Variants in HELZ observed in about 807,000 individuals in gnomAD.
HELZ encodes helicase with zinc finger.
HELZ carries 23 observed loss-of-function variants against 218.2 expected under a neutral mutation model. The observed-to-expected ratio is 0.11, with a 90% CI of 0.08 to 0.15. The LOEUF (loss-of-function observed/expected upper bound fraction) is 0.15. Ranked by LOEUF, HELZ falls within the 10% of genes least tolerant of loss-of-function variation. The probability of loss-of-function intolerance (pLI) is 1.00; values close to 1 mark genes in which losing one functional copy is unlikely to be tolerated. For missense variants in HELZ, 1,813 were observed against 2,353.7 expected (o/e 0.77, Z 4.75); for synonymous variants, 814 against 829.4 (o/e 0.98, Z 0.32).
chr17:67,083,889 C>T (rs999451109), intron 32 of HELZ, among the ~76,000 whole-genome samples: 18 of 152,154 alleles, frequency 1.2e-4, no homozygotes, highest in South Asian at 4.1e-4. Flanking sequence ...AGTGTCAAAA[C>T]GGGAAATTCA....
chr17:67,196,587 T>C (rs2040035933), intron 7 of HELZ, among the ~76,000 whole-genome samples: 2 of 142,454 alleles, frequency 1.4e-5, no homozygotes, highest in Admixed American at 1.4e-4. Flanking sequence ...GATGGATGGA[T>C]GGATGGATGG....
intron 27 of HELZ, among the ~76,000 whole-genome samples, chr17:67,117,628 C>T (rs2037467741): frequency 6.6e-6 from 1 of 150,782 alleles, no homozygotes; most frequent in African/African-American, 2.4e-5. Flanking sequence ...CGGCTCACTG[C>T]AACCTCTGCC....
chr17:67,125,343 T>TATATATACATACAC (rs1555605956), intron 24 of HELZ, among the ~76,000 whole-genome samples: 1 of 61,398 alleles, frequency 1.6e-5, no homozygotes, highest in Non-Finnish European at 3.1e-5. Context: ...TATATATATA[T>TATATATACATACAC]ATACTTGTGA....
At chr17:67,174,131 G>A (rs183380825) in intron 13 of HELZ, among the ~76,000 whole-genome samples, 3 of 148,370 alleles carry the variant, frequency 2.0e-5, no homozygotes, top group East Asian at 2.0e-4. Context: ...TCTTTATCAC[G>A]TACACACATC....
At chr17:67,125,620 T>A (rs2037770520) in intron 24 of HELZ, among the ~76,000 whole-genome samples, 1 of 152,048 alleles carries the variant, frequency 6.6e-6, no homozygotes, top group South Asian at 2.1e-4. Flanking sequence ...CTGCTTAGCA[T>A]GTGGAGGAAA....
At chr17:67,084,240 T>TA (rs1419337516) in intron 32 of HELZ, among the ~76,000 whole-genome samples, 3 of 152,100 alleles carry the variant, frequency 2.0e-5, no homozygotes, top group Non-Finnish European at 4.4e-5. Context: ...ATGAAGAAAA[T>TA]AATGACTTTA....
intron 31 of HELZ, among the ~76,000 whole-genome samples, chr17:67,104,438 CAA>C (rs139016691): frequency 8.3e-6 from 1 of 120,336 alleles, no homozygotes. Flanking sequence ...GACGCCATTT[CAA>C]AAAAAAAAAC....
At chr17:67,212,976 A>G (rs1291207923) in intron 5 of HELZ, among the ~76,000 whole-genome samples, 3 of 152,242 alleles carry the variant, frequency 2.0e-5, no homozygotes, top group Non-Finnish European at 2.9e-5. Context: ...GGTTAAACTT[A>G]TATTTTAGTG....
chr17:67,170,590 G>A (rs1334069905), intron 13 of HELZ, among the ~76,000 whole-genome samples: 2 of 152,030 alleles, frequency 1.3e-5, no homozygotes, highest in African/African-American at 4.8e-5. Context: ...ACTTTGGGAG[G>A]CCGAGGCGGG....
intron 21 of HELZ, among the ~76,000 whole-genome samples, chr17:67,138,555 A>C (rs976844907): frequency 9.2e-5 from 14 of 152,226 alleles, no homozygotes; most frequent in African/African-American, 3.1e-4. Flanking sequence ...GACATCACTA[A>C]GTCCCAGCAG....
chr17:67,113,097 T>C (rs1165241032), intron 28 of HELZ, among the ~76,000 whole-genome samples: 20 of 152,100 alleles, frequency 1.3e-4, no homozygotes, highest in Admixed American at 1.3e-3. Context: ...AGATGAAGGT[T>C]AAAGAAATTA....
At chr17:67,214,325 GCA>G (rs538580517) in intron 5 of HELZ, among the ~76,000 whole-genome samples, 20 of 130,434 alleles carry the variant, frequency 1.5e-4, no homozygotes, top group Middle Eastern at 6.0e-3. Context: ...GAGTGCAGTA[GCA>G]CATTCTTGGC....
intron 21 of HELZ, among the ~76,000 whole-genome samples, chr17:67,141,773 G>A (rs2038333170): frequency 6.6e-6 from 1 of 152,140 alleles, no homozygotes; most frequent in Non-Finnish European, 1.5e-5. Context: ...GCCTGGGCAT[G>A]GTGGTTCACA....
At chr17:67,126,030 A>T (rs1343558189) in intron 24 of HELZ, among the ~76,000 whole-genome samples, 2 of 152,224 alleles carry the variant, frequency 1.3e-5, no homozygotes, top group Non-Finnish European at 2.9e-5. Flanking sequence ...CTATAACCAC[A>T]GGGAACTGGA....
At chr17:67,192,701 CAA>C (rs1043901846) in intron 9 of HELZ, among the ~76,000 whole-genome samples, 9 of 152,108 alleles carry the variant, frequency 5.9e-5, no homozygotes, top group Admixed American at 5.2e-4. Flanking sequence ...ATTCAATAAT[CAA>C]AACCATGTAG....
chr17:67,084,457 T>C (rs1367364232), intron 32 of HELZ, among the ~76,000 whole-genome samples: 1 of 150,988 alleles, frequency 6.6e-6, no homozygotes, highest in African/African-American at 2.4e-5. Flanking sequence ...GGTCAGGAGA[T>C]CGAGACCATC....
At chr17:67,241,378 TCTGA>T (rs1295028213) in intron 2 of HELZ, among the ~76,000 whole-genome samples, 1 of 152,228 alleles carries the variant, frequency 6.6e-6, no homozygotes. Context: ...TCTTAGGGTC[TCTGA>T]CAGACAATTA....
intron 5 of HELZ, among the ~76,000 whole-genome samples, chr17:67,215,297 A>C (rs544082473): frequency 6.6e-6 from 1 of 152,186 alleles, no homozygotes; most frequent in South Asian, 2.1e-4. Flanking sequence ...CATTTTATTC[A>C]ATGTGAGTTA....
At chr17:67,155,790 T>C (rs1044725976) in intron 17 of HELZ, among the ~76,000 whole-genome samples, 2 of 150,450 alleles carry the variant, frequency 1.3e-5, no homozygotes, top group African/African-American at 4.9e-5. Flanking sequence ...TGAGCCCAGA[T>C]AGCCCCACTG....
Sources: gnomAD v4.1 joint callset for allele counts (sites outside exome capture counted in the v4.1 genomes callset) on GRCh38, gnomAD v4.1.1 for gene constraint, MANE v1.5 for transcripts, NCBI Gene and HGNC (gene_info 2026-07-23, HGNC 2026-07-21) for gene names.